The following PDE3A variants were observed in gnomAD, a reference collection of about 807,000 sequenced individuals.
The protein encoded by PDE3A is phosphodiesterase 3A.
A neutral mutation model predicts 98.3 loss-of-function variants in PDE3A; 43 were observed. That is an observed-to-expected ratio of 0.44 (90% CI 0.34 to 0.56). The LOEUF (loss-of-function observed/expected upper bound fraction) is 0.56, where lower values mean the gene tolerates loss of function less well. Among genes scored for constraint, PDE3A ranks in the 20% least tolerant of loss-of-function variants. The probability of loss-of-function intolerance (pLI) is 0.01; values close to 1 mark genes in which losing one functional copy is unlikely to be tolerated. For missense variants in PDE3A, 1,427 were observed against 1,440.7 expected (o/e 0.99, Z 0.15); for synonymous variants, 663 against 567.9 (o/e 1.17, Z -2.38).
intron 1 of PDE3A, among the ~76,000 whole-genome samples, chr12:20,457,244 T>C (rs1215897598): frequency 1.3e-5 from 2 of 151,282 alleles, no homozygotes; most frequent in East Asian, 3.9e-4. Flanking sequence ...TTGTTATTAT[T>C]ATTATTCTAT....
rs761512411 is a variant in PDE3A, at chr12:20,613,508, C to T, written c.1077C>T (p.Asp359=). Reference sequence around the variant, plus strand: ...GCGAGGCCCACGGCCTCATTACCGACCTCCTGGCAGACCCTTCTCTTCCAC... The same window carrying T: ...GCGAGGCCCACGGCCTCATTACCGATCTCCTGGCAGACCCTTCTCTTCCAC... The part of the protein sequence containing the change: ...VMGEAHGLIT[D]LLADPSLPPN... Residue 359 remains aspartate (D), a synonymous_variant, in exon 3 of 16, where the codon GAC becomes GAT. Coordinates refer to ENST00000359062, the MANE Select transcript of PDE3A (RefSeq NM_000921.5). 18 of 1,613,972 alleles carry T rather than the reference C, an allele frequency of 1.1e-5. No individual in the cohort carries two copies. In the South Asian group the frequency reaches 1.8e-4, roughly 16 times the overall value.
intron 1 of PDE3A, among the ~76,000 whole-genome samples, chr12:20,497,504 AACATAGG>A: frequency 6.6e-6 from 1 of 151,602 alleles, no homozygotes; most frequent in Non-Finnish European, 1.5e-5. Flanking sequence ...GTTTTTAAAA[AACATAGG>A]TTCTACAAAT....
In PDE3A at chr12:20,589,312, A is replaced by G. The variant is rs974123429; in HGVS notation, c.1012-24131A>G. ...AGAGCAAATTGGAAATTGAAAAAAA[A>G]GTGGAAAGTATTTATACCAGAAACA... On this transcript the variant is annotated intron_variant, in intron 2 of 15. Transcript: ENST00000359062. 5.9e-5 allele frequency among the ~76,000 whole-genome samples: 9 copies of G among 152,164 alleles called. No homozygotes were observed. In the East Asian group the frequency reaches 1.2e-3, roughly 20 times the overall value.
chr12:20,650,019 T>G (rs1203987559), intron 13 of PDE3A, among the ~76,000 whole-genome samples: 1 of 152,204 alleles, frequency 6.6e-6, no homozygotes, highest in Non-Finnish European at 1.5e-5. Flanking sequence ...AAATTTTCAT[T>G]TTTGTAGGTA....
intron 2 of PDE3A, among the ~76,000 whole-genome samples, chr12:20,577,955 A>G (rs1425395668): frequency 2.0e-5 from 3 of 152,190 alleles, no homozygotes; most frequent in African/African-American, 7.2e-5. Flanking sequence ...GCTAGTAACA[A>G]ACGTAGGTTT....
intron 2 of PDE3A, among the ~76,000 whole-genome samples, chr12:20,571,444 A>G (rs1032227399): frequency 2.0e-5 from 3 of 152,302 alleles, no homozygotes; most frequent in African/African-American, 7.2e-5. Flanking sequence ...TGTGCAGCGC[A>G]CAACACTCAC....
chr12:20,624,292 T>G (rs1485587520), intron 5 of PDE3A, among the ~76,000 whole-genome samples: 1 of 152,292 alleles, frequency 6.6e-6, no homozygotes, highest in East Asian at 1.9e-4. Context: ...TTTCTTCGGT[T>G]AAGTAATAAC....
At chr12:20,522,972 G>T (rs1448665562) in intron 1 of PDE3A, among the ~76,000 whole-genome samples, 2 of 151,462 alleles carry the variant, frequency 1.3e-5, no homozygotes, top group Non-Finnish European at 2.9e-5. Flanking sequence ...CATATAAATG[G>T]TATTTTAAAA....
intron 1 of PDE3A, among the ~76,000 whole-genome samples, chr12:20,548,927 G>A (rs1263997045): frequency 6.6e-5 from 10 of 152,044 alleles, no homozygotes; most frequent in Admixed American, 6.6e-4. Context: ...TGACCTCAAT[G>A]TGCAAGCTGT....
intron 1 of PDE3A, among the ~76,000 whole-genome samples, chr12:20,376,503 G>A (rs1225304022): frequency 1.3e-5 from 2 of 151,928 alleles, no homozygotes; most frequent in Non-Finnish European, 2.9e-5. Context: ...ATACCAGGTA[G>A]CCTCTGGAAT....
Position 20,572,220 on chromosome 12 carries a change from T to G in PDE3A, c.1011+15510T>G, listed in dbSNP as rs779958341. ...TAATGATTTTCAACAGAAATTATAT[T>G]AGAGAAGGACAGTTGAAAGCCTTTT... On this transcript the variant is annotated intron_variant, in intron 2 of 15. Coordinates refer to ENST00000359062, the MANE Select transcript of PDE3A (RefSeq NM_000921.5). The G allele has an allele frequency of 3.7e-6, 3 of 810,698 alleles. No individual in the cohort carries two copies. The South Asian group carries it at 4.6e-5, about 12-fold the overall frequency. 50.2% of individuals were successfully genotyped at this position (810,698 alleles called of 1,614,324 possible). A position where few individuals can be genotyped will look rare whatever the true frequency, so the allele number is the denominator to read the frequency against.
At chr12:20,528,659 G>A (rs548173658) in intron 1 of PDE3A, among the ~76,000 whole-genome samples, 1 of 152,250 alleles carries the variant, frequency 6.6e-6, no homozygotes, top group South Asian at 2.1e-4. Flanking sequence ...ATGCCTGATG[G>A]GATTTTAATT....
chr12:20,392,436 G>A (rs1329706917), intron 1 of PDE3A, among the ~76,000 whole-genome samples: 3 of 151,816 alleles, frequency 2.0e-5, no homozygotes, highest in Non-Finnish European at 4.4e-5. Flanking sequence ...TACTGAAGTG[G>A]CTGGGGTGGG....
intron 15 of PDE3A, among the ~76,000 whole-genome samples, chr12:20,665,754 A>C (rs1945291727): frequency 6.6e-6 from 1 of 152,052 alleles, no homozygotes; most frequent in Non-Finnish European, 1.5e-5. Context: ...CATTTTAGCT[A>C]TTCCAAGTAG....
chr12:20,651,067 A>G (rs1405932330), intron 14 of PDE3A, among the ~76,000 whole-genome samples: 2 of 152,198 alleles, frequency 1.3e-5, no homozygotes, highest in Non-Finnish European at 1.5e-5. Flanking sequence ...GTATATGTAT[A>G]TGGTAGTTCG....
At position 20,637,102 on chromosome 12, in the gene PDE3A, C is replaced by A. The variant is rs747190066; in HGVS notation, c.2004C>A (p.Asp668Glu). 6.9e-6 allele frequency: 11 copies of A among 1,603,258 alleles called. No homozygotes were observed. The highest frequency in any genetic ancestry group is 1.7e-5 in the Admixed American group (1 of 58,144). ...TYAPETMMFL[D>E]KPILAPEPLV... is the part of the protein sequence containing the mutation. ...TATTTTAATGTTAAACATTACAGGACAAACCAATTCTTGCTCCCGAACCTC... is the reference window on the plus strand; with the variant it reads ...TATTTTAATGTTAAACATTACAGGAAAAACCAATTCTTGCTCCCGAACCTC... The change falls in exon 9 of 16, where the codon GAC (aspartate) becomes GAA (glutamate). Residue 668 changes from aspartate to glutamate, a missense_variant and splice_region_variant. Asp to Glu is a conservative substitution (Grantham distance 45). This residue lies in a region of PDE3A where 1,012 missense variants were observed against 886.5 expected (regional missense o/e 1.14). Coordinates refer to ENST00000359062, the MANE Select transcript of PDE3A (RefSeq NM_000921.5).
chr12:20,444,185 G>A lies in PDE3A; in HGVS notation c.960+73941G>A, dbSNP rs188420800. On this transcript the variant is annotated intron_variant, in intron 1 of 15. Coordinates refer to ENST00000359062, the MANE Select transcript of PDE3A (RefSeq NM_000921.5). ...ACCAGCCAATATTTATCAAGTACCTGTTAGTTTCACTTACAGAGTACCTGT... is the reference window on the plus strand; with the variant it reads ...ACCAGCCAATATTTATCAAGTACCTATTAGTTTCACTTACAGAGTACCTGT... 3.2e-4 allele frequency among the ~76,000 whole-genome samples: 49 copies of A among 152,206 alleles called. No homozygotes were observed. In the South Asian group the frequency reaches 5.0e-3, roughly 15 times the overall value.
At chr12:20,530,376 C>T (rs1468564279) in intron 1 of PDE3A, among the ~76,000 whole-genome samples, 3 of 152,008 alleles carry the variant, frequency 2.0e-5, no homozygotes, top group Non-Finnish European at 4.4e-5. Flanking sequence ...AGAAATAAGA[C>T]TCAGAGTATA....
At chr12:20,633,927 T>C in intron 7 of PDE3A, 149 bp downstream of exon 7, 4 of 545,390 alleles carry the variant, frequency 7.3e-6, no homozygotes, top group Non-Finnish European at 1.3e-5. Flanking sequence ...CTCAAACTCC[T>C]GGCCTCAAGT....
Sources: gnomAD v4.1 joint callset for allele counts (sites outside exome capture counted in the v4.1 genomes callset) on GRCh38, gnomAD v4.1.1 for gene constraint, gnomAD v4.1.1 regional missense constraint, MANE v1.5 for transcripts, NCBI Gene and HGNC (gene_info 2026-07-23, HGNC 2026-07-21) for gene names.